ROBO2: variants seen among roughly 807,000 people sequenced by gnomAD.
ROBO2 encodes the protein roundabout guidance receptor 2.
In ROBO2, 53 loss-of-function variants were observed where a neutral mutation model predicts 160.8. The observed-to-expected ratio is 0.33, with a 90% CI of 0.26 to 0.41. The LOEUF is 0.41. Among genes scored for constraint, ROBO2 ranks in the 10% least tolerant of loss-of-function variants. The pLI is 1.00. For missense variants in ROBO2, 1,577 were observed against 1,722.4 expected (o/e 0.92, Z 1.49); for synonymous variants, 664 against 611.7 (o/e 1.09, Z -1.26).
chr3:76,616,741 A>G lies in ROBO2; in HGVS notation c.110-481273A>G, dbSNP rs183742155. Among the ~76,000 whole-genome samples, 165 of 152,262 alleles carry G rather than the reference A, an allele frequency of 1.1e-3. 3 individuals are homozygous for G. The highest frequency in any genetic ancestry group is 3.8e-3 in the African/African-American group (158 of 41,560). On this transcript the variant is annotated intron_variant, in intron 2 of 26. Coordinates refer to the ROBO2 transcript ENST00000487694. ...AAGCTCTTCTAAGCCTTGAATTTAG[A>G]GAGGTTTTTTGTTTGTTTAAGAGAC...
In ROBO2 at chr3:75,937,293, G is replaced by T. The variant is rs942585566; in HGVS notation, c.-13-188G>T. On this transcript the variant is annotated intron_variant, in intron 1 of 26. Coordinates refer to the ROBO2 transcript ENST00000487694. ...AATGCTTAGAATAAAGATTAAAGAT[G>T]AATGAGCTTTCATATTAATCATCAA... Among the ~76,000 whole-genome samples, 38 of 152,206 alleles carry T rather than the reference G, an allele frequency of 2.5e-4. 1 individual carries two copies. The highest frequency in any genetic ancestry group is 8.7e-4 in the African/African-American group (36 of 41,530).
At chr3:77,483,080 A>G (rs562874878) in intron 4 of ROBO2, among the ~76,000 whole-genome samples, 1 of 152,144 alleles carries the variant, frequency 6.6e-6, no homozygotes, top group African/African-American at 2.4e-5. Flanking sequence ...AATAGCTATT[A>G]TCCAAATAGA....
At position 76,777,138 on chromosome 3, in the gene ROBO2, T is replaced by C. The variant is rs114689942; in HGVS notation, c.110-320876T>C. Among the ~76,000 whole-genome samples the C allele has an allele frequency of 8.6e-3, 1,293 of 151,228 alleles. 11 individuals carry two copies. The highest frequency in any genetic ancestry group is 0.03 in the African/African-American group (1,231 of 41,418). ...GCTTTAATCAAAACTAATGGAATTT[T>C]TGGCATAAAATAGTAGAATTAATTA... On this transcript the variant is annotated intron_variant, in intron 2 of 26. Transcript: ENST00000487694.
At chr3:76,134,440 T>C (rs979479324) in intron 2 of ROBO2, among the ~76,000 whole-genome samples, 20 of 152,128 alleles carry the variant, frequency 1.3e-4, no homozygotes, top group Non-Finnish European at 2.6e-4. Context: ...TTATGTTCTA[T>C]GGCAAAACGT....
At chr3:76,851,987 A>G (rs992965440) in intron 2 of ROBO2, among the ~76,000 whole-genome samples, 1 of 152,006 alleles carries the variant, frequency 6.6e-6, no homozygotes, top group Non-Finnish European at 1.5e-5. Context: ...AGAAAGAAAA[A>G]CTACAGAGTA....
At position 77,140,482 on chromosome 3, in the gene ROBO2, A is replaced by G. The variant is rs1205872550; in HGVS notation, c.388+42142A>G. ...GATATTGATTTAGATTCAATTACAT[A>G]ATACCTCCCAGTATCCCTAGAATCA... On this transcript the variant is annotated intron_variant, in intron 2 of 25. Coordinates refer to ENST00000461745, the Ensembl canonical transcript of ROBO2. Among the ~76,000 whole-genome samples the G allele has an allele frequency of 2.0e-5, 3 of 152,210 alleles. 1 individual carries two copies. Among genetic ancestry groups the G allele is most frequent in the Non-Finnish European group, 4.4e-5 (3 of 68,036 alleles).
intron 2 of ROBO2, among the ~76,000 whole-genome samples, chr3:76,764,837 A>G (rs2061489383): frequency 6.6e-6 from 1 of 151,702 alleles, no homozygotes; most frequent in Non-Finnish European, 1.5e-5. Flanking sequence ...ACTTAGCAAG[A>G]CTATTTCCAA....
chr3:76,122,319 T>G (rs576785962), intron 2 of ROBO2, among the ~76,000 whole-genome samples: 1 of 152,296 alleles, frequency 6.6e-6, no homozygotes, highest in South Asian at 2.1e-4. Context: ...GATCATATTC[T>G]CAGAAGGTGA....
intron 2 of ROBO2, among the ~76,000 whole-genome samples, chr3:76,739,603 G>A (rs906585110): frequency 2.6e-5 from 4 of 151,178 alleles, no homozygotes; most frequent in African/African-American, 9.7e-5. Context: ...TTGTGCACAT[G>A]TACCCTAAAA....
At chr3:76,479,362 T>G (rs748156745) in intron 2 of ROBO2, among the ~76,000 whole-genome samples, 26 of 152,188 alleles carry the variant, frequency 1.7e-4, no homozygotes, top group Admixed American at 3.3e-4. Context: ...AAACTTCAAG[T>G]TCCCTCTGAA....
chr3:77,358,775 A>C (rs1034407580), intron 2 of ROBO2, among the ~76,000 whole-genome samples: 2 of 152,226 alleles, frequency 1.3e-5, no homozygotes, highest in Non-Finnish European at 2.9e-5. Flanking sequence ...ACCCCAATAA[A>C]GAAACCAGTG....
chr3:76,060,134 T>C (rs1282350226), intron 2 of ROBO2, among the ~76,000 whole-genome samples: 1 of 152,190 alleles, frequency 6.6e-6, no homozygotes. Context: ...ACAATGTGAT[T>C]TGAGTATTTG....
At chr3:76,018,032 T>A (rs1269049174) in intron 2 of ROBO2, among the ~76,000 whole-genome samples, 1 of 152,104 alleles carries the variant, frequency 6.6e-6, no homozygotes, top group Non-Finnish European at 1.5e-5. Context: ...TTGTGTTTTC[T>A]CTTTAGGGTA....
At position 75,929,075 on chromosome 3, in the gene ROBO2, C is replaced by T. The variant is rs372884629; in HGVS notation, c.-13-8406C>T. 1.9e-5 allele frequency among the ~76,000 whole-genome samples: 2 copies of T among 103,584 alleles called. 1 individual carries two copies. Among genetic ancestry groups the T allele is most frequent in the Non-Finnish European group, 3.8e-5 (2 of 53,284 alleles). The allele number at this position is 103,584 out of a possible 152,430, so 68.0% of individuals were successfully genotyped here. On this transcript the variant is annotated intron_variant, in intron 1 of 26. Transcript: ENST00000487694. The stretch of plus-strand genomic sequence containing the variant: ...ACATGAGATCTGCAGCTGGATAAGA[C>T]GTGTGTGTGTGTGTGGAGGGGGGGT...
chr3:76,245,278 T>A (rs368613175), intron 2 of ROBO2, among the ~76,000 whole-genome samples: 1 of 152,220 alleles, frequency 6.6e-6, no homozygotes, highest in Non-Finnish European at 1.5e-5. Flanking sequence ...TTGAACCCTT[T>A]TGGGGCAGCG....
chr3:76,948,165 T>A (rs1040254816), intron 2 of ROBO2, among the ~76,000 whole-genome samples: 1 of 152,218 alleles, frequency 6.6e-6, no homozygotes, highest in African/African-American at 2.4e-5. Context: ...ATTATTCATG[T>A]TGAAAAGTAA....
intron 2 of ROBO2, among the ~76,000 whole-genome samples, chr3:75,948,685 T>C (rs193189517): frequency 6.0e-4 from 92 of 152,210 alleles, no homozygotes; most frequent in Admixed American, 1.6e-3. Flanking sequence ...AATGTGGCCT[T>C]TCATGAGCCC....
chr3:76,682,329 A>G (rs909325601), intron 2 of ROBO2, among the ~76,000 whole-genome samples: 3 of 152,114 alleles, frequency 2.0e-5, no homozygotes, highest in Admixed American at 1.3e-4. Context: ...GGCTGTACAT[A>G]TTGGTGTGGA....
intron 2 of ROBO2, among the ~76,000 whole-genome samples, chr3:76,243,781 G>T (rs750880684): frequency 3.5e-4 from 54 of 152,114 alleles, no homozygotes; most frequent in Non-Finnish European, 6.0e-4. Flanking sequence ...TTTATGCAGT[G>T]AACAAATATA....
Sources: gnomAD v4.1 joint callset for allele counts (sites outside exome capture counted in the v4.1 genomes callset) on GRCh38, gnomAD v4.1.1 for gene constraint, MANE v1.5 for transcripts, NCBI Gene and HGNC (gene_info 2026-07-23, HGNC 2026-07-21) for gene names.